Variants in RALGAPB observed in about 807,000 individuals in gnomAD.
The protein encoded by RALGAPB is ral GTPase-activating protein subunit beta.
Under a neutral mutation model 161.1 loss-of-function variants are expected in RALGAPB, and 25 were observed. The observed-to-expected ratio is 0.16, with a 90% CI of 0.11 to 0.22. The LOEUF is 0.22. RALGAPB is among the 10% of genes least tolerant of loss of function. The pLI, the probability that RALGAPB is intolerant of heterozygous loss-of-function variation, is 1.00. For missense variants in RALGAPB, 1,391 were observed against 1,815.2 expected, an observed-to-expected ratio of 0.77 and a Z score of 4.25; for synonymous variants, 629 against 626.1, an observed-to-expected ratio of 1.00 and a Z score of -0.07.
intron 27 of RALGAPB, among the ~76,000 whole-genome samples, chr20:38,570,560 A>C (rs1384616147): frequency 6.6e-6 from 1 of 152,224 alleles, no homozygotes; most frequent in Non-Finnish European, 1.5e-5. Context: ...ATATTTTCTA[A>C]AAACTCTTTG....
chr20:38,486,511 T>C (rs756612731), intron 1 of RALGAPB, among the ~76,000 whole-genome samples: 10 of 152,174 alleles, frequency 6.6e-5, no homozygotes, highest in Non-Finnish European at 1.5e-4. Flanking sequence ...AGGCCCCAGC[T>C]CAGACCTGCA....
intron 10 of RALGAPB, among the ~76,000 whole-genome samples, chr20:38,522,525 C>T (rs2086321686): frequency 6.6e-6 from 1 of 152,132 alleles, no homozygotes; most frequent in Admixed American, 6.6e-5. Context: ...ATAATGGCCT[C>T]CCGTTCTTCT....
At chr20:38,495,260 A>G (rs1027418601) in intron 3 of RALGAPB, among the ~76,000 whole-genome samples, 27 of 152,232 alleles carry the variant, frequency 1.8e-4, no homozygotes, top group African/African-American at 5.5e-4. Flanking sequence ...AGATTATGTC[A>G]GAATGAATGT....
At chr20:38,483,614 G>T (rs6025984) in intron 1 of RALGAPB, among the ~76,000 whole-genome samples, 9 of 152,120 alleles carry the variant, frequency 5.9e-5, no homozygotes, top group Non-Finnish European at 1.2e-4. Context: ...TGAATGTTTA[G>T]GAAATGACAT....
chr20:38,556,235 T>C (rs1269593724), intron 22 of RALGAPB, among the ~76,000 whole-genome samples: 1 of 152,192 alleles, frequency 6.6e-6, no homozygotes, highest in Non-Finnish European at 1.5e-5. Flanking sequence ...GAGAATTTTT[T>C]AGTCAATGAC....
intron 22 of RALGAPB, among the ~76,000 whole-genome samples, chr20:38,555,457 A>G (rs2087549915): frequency 6.6e-6 from 1 of 152,256 alleles, no homozygotes; most frequent in Non-Finnish European, 1.5e-5. Flanking sequence ...ATGCAGAATA[A>G]AAGAGCAGAG....
chr20:38,506,310 T>C (rs2085762377), intron 5 of RALGAPB, among the ~76,000 whole-genome samples: 2 of 152,048 alleles, frequency 1.3e-5, no homozygotes, highest in Non-Finnish European at 2.9e-5. Flanking sequence ...CTTTTTTTTT[T>C]TGACAGGGTT....
At chr20:38,560,236 G>T (rs1426572263) in intron 23 of RALGAPB, among the ~76,000 whole-genome samples, 1 of 152,118 alleles carries the variant, frequency 6.6e-6, no homozygotes, top group Non-Finnish European at 1.5e-5. Context: ...GAAGGCAGAT[G>T]ATTAAATAAG....
intron 10 of RALGAPB, among the ~76,000 whole-genome samples, chr20:38,523,913 A>C (rs2086374307): frequency 6.6e-6 from 1 of 152,228 alleles, no homozygotes; most frequent in Non-Finnish European, 1.5e-5. Context: ...GTTAAGACTT[A>C]GTCATGTCTC....
rs541531197 is a variant in RALGAPB, at chr20:38,480,447, C to T, written c.-31+7378C>T. 1.6e-3 allele frequency among the ~76,000 whole-genome samples: 226 copies of T among 140,128 alleles called. 1 individual carries two copies. The highest frequency in any genetic ancestry group is 5.9e-3 in the African/African-American group (211 of 35,542). The allele number at this position is 140,128 out of a possible 152,430, so 91.9% of individuals were successfully genotyped here. On this transcript the variant is annotated intron_variant, in intron 1 of 29. Coordinates refer to ENST00000262879, the MANE Select transcript of RALGAPB (RefSeq NM_020336.4). The stretch of plus-strand genomic sequence containing the variant: ...TGTCACCCAGGCTGTAGTGCAGTGG[C>T]GTGATCTTGGCTCATTGCAACCTCC...
rs193240616 is a variant in RALGAPB at position 38,488,405 on chromosome 20, G to A, written c.-28G>A. 2.3e-5 allele frequency: 36 copies of A among 1,572,326 alleles called. No homozygotes were observed. The Admixed American group carries it at 6.3e-4, about 28-fold the overall frequency. On this transcript the variant is annotated splice_region_variant and 5_prime_UTR_variant, in exon 2 of 30. Coordinates refer to ENST00000262879, the MANE Select transcript of RALGAPB (RefSeq NM_020336.4). ...GCATTTCTGTTTTGTCTTTTCAGGTGCCATTTGGATTGTACTTTAGTGGCA... is the reference window on the plus strand; with the variant it reads ...GCATTTCTGTTTTGTCTTTTCAGGTACCATTTGGATTGTACTTTAGTGGCA...
chr20:38,532,130 G>A (rs541140073), intron 14 of RALGAPB, among the ~76,000 whole-genome samples: 13 of 152,170 alleles, frequency 8.5e-5, no homozygotes, highest in African/African-American at 2.6e-4. Flanking sequence ...ATCTCTGCTC[G>A]CTGCAAACTC....
intron 15 of RALGAPB, among the ~76,000 whole-genome samples, chr20:38,533,445 AC>A (rs2086715551): frequency 6.6e-6 from 1 of 152,134 alleles, no homozygotes; most frequent in Non-Finnish European, 1.5e-5. Context: ...GTTTGTGGGT[AC>A]CTTTATGTTT....
chr20:38,562,771 G>A, intron 24 of RALGAPB, 74 bp downstream of exon 24: 2 of 1,443,238 alleles, frequency 1.4e-6, no homozygotes, highest in Non-Finnish European at 1.9e-6. Context: ...CCCCTTTACT[G>A]TGATTTATAG....
chr20:38,526,115 G>A, intron 13 of RALGAPB, 73 bp downstream of exon 13: 1 of 1,508,568 alleles, frequency 6.6e-7, no homozygotes, highest in Non-Finnish European at 9.1e-7. Flanking sequence ...GGAGGCGGCA[G>A]TCGGTAATGG....
chr20:38,521,800 T>A (rs1298155711), intron 10 of RALGAPB, 102 bp downstream of exon 10: 8 of 1,168,156 alleles, frequency 6.8e-6, no homozygotes, highest in Non-Finnish European at 4.9e-6. Flanking sequence ...CTGAAATACC[T>A]ACAGATGTCT....
chr20:38,554,526 T>C (rs1286378150), intron 22 of RALGAPB, among the ~76,000 whole-genome samples: 1 of 152,254 alleles, frequency 6.6e-6, no homozygotes, highest in African/African-American at 2.4e-5. Flanking sequence ...CTTCTTATGT[T>C]GTCCAGTTTG....
At position 38,546,287 on chromosome 20, in the gene RALGAPB, C is replaced by T; in HGVS notation, c.2759C>T (p.Ala920Val). Residue 920 changes from alanine to valine, a missense_variant, in exon 19 of 30, where the codon GCC becomes GTC. Coordinates refer to ENST00000262879, the MANE Select transcript of RALGAPB (RefSeq NM_020336.4). Reference protein sequence around the residue: ...LGAFPSPSGPASPCSLVNETT... With the variant: ...LGAFPSPSGPVSPCSLVNETT... ...GCATTTCCTTCACCTAGTGGTCCTG[C>T]CTCTCCTTGTAGTCTTGTGAATGAG... 1.2e-6 allele frequency: 2 copies of T among 1,614,134 alleles called. No homozygotes were observed. The highest frequency in any genetic ancestry group is 1.7e-6 in the Non-Finnish European group (2 of 1,179,992).
At chr20:38,569,279 G>C (rs2088135131) in intron 26 of RALGAPB, 1 of 152,718 alleles carries the variant, frequency 6.5e-6, no homozygotes, top group Non-Finnish European at 1.5e-5. Context: ...GCAGCTCAGG[G>C]TACCAGTTTG....
Sources: gnomAD v4.1 joint callset for allele counts (sites outside exome capture counted in the v4.1 genomes callset) on GRCh38, gnomAD v4.1.1 for gene constraint, MANE v1.5 for transcripts, NCBI Gene and HGNC (gene_info 2026-07-23, HGNC 2026-07-21) for gene names.